The following CSF2RB variants were observed in gnomAD, a reference collection of about 807,000 sequenced individuals.
CSF2RB encodes cytokine receptor common subunit beta.
CSF2RB carries 22 observed loss-of-function variants against 67.2 expected under a neutral mutation model. The observed-to-expected ratio is 0.33, with a 90% CI of 0.23 to 0.47. The LOEUF (loss-of-function observed/expected upper bound fraction) is 0.47. CSF2RB is among the 20% of genes least tolerant of loss of function. The pLI is 1.00. For missense variants in CSF2RB, 1,113 were observed against 1,174.5 expected, an observed-to-expected ratio of 0.95 and a Z score of 0.76; for synonymous variants, 507 against 482.9, an observed-to-expected ratio of 1.05 and a Z score of -0.65.
At chr22:36,934,277 G>A (rs994516463) in intron 10 of CSF2RB, among the ~76,000 whole-genome samples, 1 of 152,148 alleles carries the variant, frequency 6.6e-6, no homozygotes, top group Non-Finnish European at 1.5e-5. Context: ...AGCACAGCTG[G>A]GCAGAGGATG....
chr22:36,923,355 G>T lies in CSF2RB; in HGVS notation c.188G>T (p.Arg63Leu), dbSNP rs202215481. The change falls in exon 3 of 14, where the codon CGC becomes CTC. Residue 63 changes from arginine to leucine, a missense_variant. Transcript: ENST00000403662. The part of the protein sequence containing the change: ...AQRLVNVTLI[R>L]RVNEDLLEPV... The stretch of plus-strand genomic sequence containing the variant: ...CGGCTCGTCAACGTGACCCTCATTC[G>T]CCGGGTGAATGAGTGAGTGATGCTG... 1.2e-5 allele frequency: 20 copies of T among 1,613,904 alleles called. No homozygotes were observed. The highest frequency in any genetic ancestry group is 1.5e-5 in the Non-Finnish European group (18 of 1,179,866).
rs1035502351 is a variant in CSF2RB at position 36,916,808 on chromosome 22, G to A, written c.-173+3131G>A. Among the ~76,000 whole-genome samples the A allele has an allele frequency of 4.6e-5, 7 of 152,052 alleles. No homozygotes were observed. The South Asian group carries it at 8.3e-4, about 18-fold the overall frequency. Reference sequence around the variant, plus strand: ...CAGGAGGCAAAGTTTGCAGTGAGCCGAGATCACGCCACTGCACTCCAGCCT... The same window carrying A: ...CAGGAGGCAAAGTTTGCAGTGAGCCAAGATCACGCCACTGCACTCCAGCCT... On this transcript the variant is annotated intron_variant, in intron 1 of 13. Transcript: ENST00000403662.
At chr22:36,929,350 A>G in intron 4 of CSF2RB, 52 bp from the exon 5 acceptor site, 1 of 1,613,338 alleles carries the variant, frequency 6.2e-7, no homozygotes. Flanking sequence ...GCAGGCCCTG[A>G]CTGCCCCCCA....
chr22:36,916,970 A>G (rs1940733682), intron 1 of CSF2RB, among the ~76,000 whole-genome samples: 1 of 152,224 alleles, frequency 6.6e-6, no homozygotes, highest in African/African-American at 2.4e-5. Context: ...CACTGGAAGT[A>G]AAGACAATAG....
chr22:36,915,835 C>T (rs4821561), intron 1 of CSF2RB, among the ~76,000 whole-genome samples: 64,970 of 152,018 alleles, frequency 0.43, 16,395 homozygotes, highest in Admixed American at 0.57. Flanking sequence ...TTCTCAATGT[C>T]GCGTGATTTT....
At chr22:36,932,742 C>A in intron 8 of CSF2RB, 23 bp from the exon 9 acceptor site, 1 of 1,611,328 alleles carries the variant, frequency 6.2e-7, no homozygotes, top group East Asian at 2.2e-5. Context: ...TGATGACTCT[C>A]CTGAAAGCTT....
At chr22:36,913,917 G>A (rs117648093) in intron 1 of CSF2RB, among the ~76,000 whole-genome samples, 2,085 of 152,202 alleles carry the variant, frequency 0.014, 28 homozygotes, top group South Asian at 0.031. Flanking sequence ...TTGTAGGAGA[G>A]CTCTGGGGAG....
At chr22:36,926,250 G>A (rs1426926097) in intron 4 of CSF2RB, 73 bp downstream of exon 4, 21 of 1,465,180 alleles carry the variant, frequency 1.4e-5, no homozygotes, top group East Asian at 2.3e-5. Context: ...GTGGTCCAGG[G>A]AGTCTTCAAG....
At chr22:36,920,423 A>T (rs1940829285) in intron 1 of CSF2RB, among the ~76,000 whole-genome samples, 1 of 152,234 alleles carries the variant, frequency 6.6e-6, no homozygotes, top group African/African-American at 2.4e-5. Context: ...TGCTTATTCC[A>T]TGTGAGATTA....
intron 1 of CSF2RB, among the ~76,000 whole-genome samples, chr22:36,917,846 C>G (rs973993306): frequency 3.3e-5 from 5 of 152,054 alleles, no homozygotes; most frequent in African/African-American, 9.7e-5. Context: ...TCGCTTGAAC[C>G]CCGGAGGCAG....
rs1941123142 is a variant in CSF2RB, at chr22:36,930,433, C to A, written c.777C>A (p.Ser259Arg). 1 of 1,613,724 alleles carries A rather than the reference C, an allele frequency of 6.2e-7. No individual in the cohort carries two copies. The highest frequency in any genetic ancestry group is 8.5e-7 in the Non-Finnish European group (1 of 1,180,054). Residue 259 changes from serine to arginine, a missense_variant, in exon 7 of 14, where the codon AGC becomes AGA. Physicochemically the swap from Ser to Arg is moderately radical, Grantham distance 110. Coordinates refer to ENST00000403662, the MANE Select transcript of CSF2RB (RefSeq NM_000395.3). ...TCTTTGACGGGGCCGCCGTGCTCAG[C>A]TGCTCCTGGGAGGTGAGGAAGGAGG... ...ECFFDGAAVL[S>R]CSWEVRKEVA...
In CSF2RB at chr22:36,937,824, AG is replaced by A; in HGVS notation, c.2018del (p.Gly673AlafsTer25). 1 of 1,606,750 alleles carries A rather than the reference AG, an allele frequency of 6.2e-7. No homozygotes were observed. On this transcript the variant is annotated frameshift_variant, in exon 14 of 14. Coordinates refer to ENST00000403662, the MANE Select transcript of CSF2RB (RefSeq NM_000395.3). LOFTEE classifies it low-confidence loss of function (END_TRUNC). This position sits in a 1 kb window ranked among gnomAD's most constrained non-coding sequence, Gnocchi z 4.6. ...AGSPSLESGG[G>X]PAPPALGPRV... The stretch of plus-strand genomic sequence containing the variant: ...GGAGTCCCTCCCTGGAGTCCGGGGG[AG>A]GCCCTGCCCCTCCTGCTCTTGGGCC...
At chr22:36,929,285 C>T (rs1460739184) in intron 4 of CSF2RB, 117 bp from the exon 5 acceptor site, 6 of 1,385,594 alleles carry the variant, frequency 4.3e-6, no homozygotes, top group Non-Finnish European at 6.1e-6. Flanking sequence ...CAAGGTCCCT[C>T]AGCTGCTGGG....
intron 12 of CSF2RB, 91 bp downstream of exon 12, chr22:36,935,778 C>T (rs1245472924): frequency 7.1e-7 from 1 of 1,411,450 alleles, no homozygotes; most frequent in Non-Finnish European, 9.8e-7. Flanking sequence ...TTCCTGTGGG[C>T]TTTGGGTGGT....
At chr22:36,918,102 T>G (rs562449680) in intron 1 of CSF2RB, among the ~76,000 whole-genome samples, 52 of 152,312 alleles carry the variant, frequency 3.4e-4, no homozygotes, top group Admixed American at 3.1e-3. Flanking sequence ...GAGTTTTAGT[T>G]CAATATTCTT....
Position 36,939,266 on chromosome 22 carries a change from A to T in CSF2RB, c.*764A>T, listed in dbSNP as rs760047775. Reference sequence around the variant, plus strand: ...CGTCATGTAGAGAAGTTAACGGCCCAAGTGGTGGGCAGGCTGGCGGGACCT... The same window carrying T: ...CGTCATGTAGAGAAGTTAACGGCCCTAGTGGTGGGCAGGCTGGCGGGACCT... On this transcript the variant is annotated 3_prime_UTR_variant, in exon 14 of 14. Transcript: ENST00000403662. The T allele has an allele frequency of 1.7e-4, 119 of 702,226 alleles. No individual in the cohort carries two copies. In the African/African-American group the frequency reaches 1.9e-3, roughly 11 times the overall value. 43.5% of individuals were successfully genotyped at this position (702,226 alleles called of 1,614,324 possible).
chr22:36,937,297 A>G lies in CSF2RB; in HGVS notation c.1569-80A>G, dbSNP rs1371902239. On this transcript the variant is annotated intron_variant, in intron 13 of 13. Transcript: ENST00000403662. This position sits in a 1 kb window ranked among gnomAD's most constrained non-coding sequence, Gnocchi z 4.6. Reference sequence around the variant, plus strand: ...TCAGGGCTTCCAGAGAACCATCTCCACCCCACCAAGACCCTTGTGCCTGAC... The same window carrying G: ...TCAGGGCTTCCAGAGAACCATCTCCGCCCCACCAAGACCCTTGTGCCTGAC... 2 of 1,548,430 alleles carry G rather than the reference A, an allele frequency of 1.3e-6. No individual in the cohort carries two copies. The highest frequency in any genetic ancestry group is 4.5e-5 in the East Asian group (2 of 44,570).
Position 36,935,335 on chromosome 22 carries a change from C to T in CSF2RB, c.1316-16C>T, listed in dbSNP as rs376103938. ...CCCAGATGCTGACATTCCTCTTTCT[C>T]CCCGGCTGCTGGAAGTGCTGCCTAT... On this transcript the variant is annotated splice_polypyrimidine_tract_variant and intron_variant, in intron 10 of 13. Transcript: ENST00000403662. 1.7e-5 allele frequency: 28 copies of T among 1,613,618 alleles called. No homozygotes were observed. The Admixed American group carries it at 3.7e-4, about 21-fold the overall frequency.
In CSF2RB at chr22:36,930,840, C is replaced by T. The variant is rs755079110; in HGVS notation, c.1012+10C>T. Reference sequence around the variant, plus strand: ...AAGAGCTCAGTGAACAGTGAGTTTGCTCCTAGCCCGCTGTGGGGATGGTCT... The same window carrying T: ...AAGAGCTCAGTGAACAGTGAGTTTGTTCCTAGCCCGCTGTGGGGATGGTCT... On this transcript the variant is annotated intron_variant, in intron 8 of 13. Transcript: ENST00000403662. 1 of 1,614,138 alleles carries T rather than the reference C, an allele frequency of 6.2e-7. No individual in the cohort carries two copies. The highest frequency in any genetic ancestry group is 8.5e-7 in the Non-Finnish European group (1 of 1,180,010).
Sources: gnomAD v4.1 joint callset for allele counts (sites outside exome capture counted in the v4.1 genomes callset) on GRCh38, gnomAD v4.1.1 for gene constraint, Gnocchi (gnomAD v3.1) non-coding constraint, MANE v1.5 for transcripts, NCBI Gene and HGNC (gene_info 2026-07-23, HGNC 2026-07-21) for gene names.